Variants in SLC44A5 observed in about 807,000 individuals in gnomAD.
The protein encoded by SLC44A5 is choline transporter-like protein 5.
A neutral mutation model predicts 101.8 loss-of-function variants in SLC44A5; 57 were observed. That is an observed-to-expected ratio of 0.56 (90% CI 0.45 to 0.70). The LOEUF (loss-of-function observed/expected upper bound fraction) is 0.70. Among genes scored for constraint, SLC44A5 ranks in the 30% least tolerant of loss-of-function variants. The pLI is 0.00. For missense variants in SLC44A5, 737 were observed against 853.1 expected (o/e 0.86, Z 1.70); for synonymous variants, 281 against 290.9 (o/e 0.97, Z 0.35).
the SLC44A5 span, among the ~76,000 whole-genome samples, chr1:75,672,096 A>G: frequency 1.3e-5 from 2 of 152,158 alleles, no homozygotes; most frequent in Non-Finnish European, 2.9e-5. Context: ...GTGAGCAATC[A>G]TAGTGCCTGC....
intron 22 of SLC44A5, among the ~76,000 whole-genome samples, chr1:75,212,313 T>A (rs1180953957): frequency 2.6e-5 from 4 of 152,088 alleles, no homozygotes; most frequent in Non-Finnish European, 5.9e-5. Context: ...TAGTATCCAA[T>A]AGGTAGTTTT....
At chr1:75,635,007 C>T in the SLC44A5 span, among the ~76,000 whole-genome samples, 1 of 151,206 alleles carries the variant, frequency 6.6e-6, no homozygotes, top group African/African-American at 2.4e-5. Context: ...AGGATATGAA[C>T]AGACATTTCT....
intron 2 of SLC44A5, among the ~76,000 whole-genome samples, chr1:75,420,055 T>C (rs1047013015): frequency 2.0e-5 from 3 of 151,884 alleles, no homozygotes; most frequent in Admixed American, 6.6e-5. Flanking sequence ...CCTTCATGAA[T>C]GAGATTAGTG....
intron 4 of SLC44A5, among the ~76,000 whole-genome samples, chr1:75,320,418 A>C (rs1656053653): frequency 6.6e-6 from 1 of 152,176 alleles, no homozygotes; most frequent in African/African-American, 2.4e-5. Flanking sequence ...TATTAGAGCT[A>C]TGTGATAGAT....
At position 75,233,445 on chromosome 1, in the gene SLC44A5, A is replaced by T. The variant is rs539425654; in HGVS notation, c.853+541T>A. On this transcript the variant is annotated intron_variant, in intron 12 of 23. Coordinates refer to ENST00000370859, the MANE Select transcript of SLC44A5 (RefSeq NM_001130058.2). ...CTCCCACACATTATTTAGCTCCCAC[A>T]CATTATTTAGCTCCCACAGACAGTA... Among the ~76,000 whole-genome samples, 3 of 151,958 alleles carry T rather than the reference A, an allele frequency of 2.0e-5. No individual in the cohort carries two copies. The East Asian group carries it at 5.8e-4, about 29-fold the overall frequency.
chr1:75,567,841 T>A (rs1370482280), intron 1 of SLC44A5, among the ~76,000 whole-genome samples: 1 of 152,190 alleles, frequency 6.6e-6, no homozygotes, highest in African/African-American at 2.4e-5. Context: ...TGAATTAACT[T>A]TTTTCCACAC....
intron 1 of SLC44A5, among the ~76,000 whole-genome samples, chr1:75,597,479 T>A (rs1442818164): frequency 6.6e-6 from 1 of 152,024 alleles, no homozygotes; most frequent in Non-Finnish European, 1.5e-5. Context: ...AAAAAGAGCC[T>A]GAATAGCCAA....
At chr1:75,678,057 G>C in the SLC44A5 span, among the ~76,000 whole-genome samples, 1 of 152,200 alleles carries the variant, frequency 6.6e-6, no homozygotes, top group East Asian at 1.9e-4. Flanking sequence ...TTTCCAAAGG[G>C]CTTAGAAAAC....
intron 4 of SLC44A5, among the ~76,000 whole-genome samples, chr1:75,322,744 C>T (rs1407709458): frequency 6.6e-6 from 1 of 152,084 alleles, no homozygotes; most frequent in Non-Finnish European, 1.5e-5. Flanking sequence ...AAACAAAACA[C>T]TGCACGGACA....
the SLC44A5 span, among the ~76,000 whole-genome samples, chr1:75,683,510 A>G: frequency 1.3e-5 from 2 of 152,188 alleles, no homozygotes; most frequent in East Asian, 3.9e-4. Flanking sequence ...ACAAGAACAA[A>G]AAACCAAACA....
At chr1:75,544,206 T>C (rs1305030988) in intron 1 of SLC44A5, among the ~76,000 whole-genome samples, 1 of 152,182 alleles carries the variant, frequency 6.6e-6, no homozygotes, top group Non-Finnish European at 1.5e-5. Flanking sequence ...GCCCGATTTG[T>C]TGCTTACTTT....
the SLC44A5 span, among the ~76,000 whole-genome samples, chr1:75,633,890 G>A: frequency 1.3e-5 from 2 of 152,244 alleles, no homozygotes; most frequent in Admixed American, 1.3e-4. Context: ...TTTGAGATAT[G>A]TCCCATCAAT....
At chr1:75,396,953 A>G (rs1662165268) in intron 2 of SLC44A5, among the ~76,000 whole-genome samples, 1 of 152,192 alleles carries the variant, frequency 6.6e-6, no homozygotes, top group Non-Finnish European at 1.5e-5. Context: ...CATTACTAAG[A>G]AATGAGGCAT....
chr1:75,277,431 T>C (rs1652014351), intron 5 of SLC44A5, among the ~76,000 whole-genome samples: 1 of 152,092 alleles, frequency 6.6e-6, no homozygotes, highest in Non-Finnish European at 1.5e-5. Context: ...TCACACAGCT[T>C]TAAGTGAGAT....
At chr1:75,675,582 A>G in the SLC44A5 span, among the ~76,000 whole-genome samples, 13 of 152,286 alleles carry the variant, frequency 8.5e-5, no homozygotes, top group Middle Eastern at 3.4e-3. Flanking sequence ...TAAATATAAA[A>G]TCAAAAACTA....
the SLC44A5 span, among the ~76,000 whole-genome samples, chr1:75,671,381 ACAT>A: frequency 6.6e-6 from 1 of 152,200 alleles, no homozygotes; most frequent in East Asian, 1.9e-4. Context: ...AGATGTCAAA[ACAT>A]CATAAAATAC....
chr1:75,241,655 C>T (rs1648639788), intron 9 of SLC44A5, among the ~76,000 whole-genome samples: 1 of 152,050 alleles, frequency 6.6e-6, no homozygotes, highest in African/African-American at 2.4e-5. Context: ...TCTGAACAAA[C>T]TTTTCAGCTA....
intron 22 of SLC44A5, among the ~76,000 whole-genome samples, chr1:75,212,252 G>A (rs572464294): frequency 6.6e-5 from 10 of 152,006 alleles, no homozygotes; most frequent in Non-Finnish European, 1.0e-4. Flanking sequence ...AGTAAATTAT[G>A]TGTCATAGGG....
At chr1:75,269,868 A>G (rs1420193300) in intron 6 of SLC44A5, among the ~76,000 whole-genome samples, 1 of 152,164 alleles carries the variant, frequency 6.6e-6, no homozygotes, top group Admixed American at 6.6e-5. Context: ...TATAGCTCCC[A>G]TAATTCCCAC....
Sources: allele counts gnomAD v4.1 joint callset (sites outside exome capture counted in the v4.1 genomes callset), GRCh38; gene constraint gnomAD v4.1.1; transcripts MANE v1.5; gene names NCBI Gene and HGNC (gene_info 2026-07-23, HGNC 2026-07-21).